Variants in SLCO2A1 observed in about 807,000 individuals in gnomAD.
The protein encoded by SLCO2A1 is solute carrier organic anion transporter family member 2A1.
SLCO2A1 carries 60 observed loss-of-function variants against 71.7 expected under a neutral mutation model. That is an observed-to-expected ratio of 0.84 (90% CI 0.68 to 1.04). The LOEUF is 1.04. SLCO2A1 is among the 50% of genes least tolerant of loss of function. The pLI is 0.00. For missense variants in SLCO2A1, 745 were observed against 813.4 expected (o/e 0.92, Z 1.02); for synonymous variants, 308 against 326.7 (o/e 0.94, Z 0.62).
Position 133,947,358 on chromosome 3 carries a change from G to C in SLCO2A1, c.1193C>G (p.Pro398Arg). 6.2e-7 allele frequency: 1 copy of C among 1,614,070 alleles called. No homozygotes were observed. The highest frequency in any genetic ancestry group is 8.5e-7 in the Non-Finnish European group (1 of 1,179,994). The change falls in exon 9 of 14, where the codon CCC becomes CGC. Residue 398 changes from proline to arginine, a missense_variant. Pro to Arg is a moderately radical substitution (Grantham distance 103). Transcript: ENST00000310926. The part of the protein sequence containing the change: ...KRFVFSLQAI[P>R]RIATTIITIS... The stretch of plus-strand genomic sequence containing the variant: ...GGTGATGATGGTGGTAGCTATGCGG[G>C]GAATGGCTTGTAGAGAGAAAACAAA...
At chr3:133,974,369 G>C (rs548970999) in intron 2 of SLCO2A1, among the ~76,000 whole-genome samples, 1 of 152,246 alleles carries the variant, frequency 6.6e-6, no homozygotes, top group East Asian at 1.9e-4. Context: ...ACAAAACTGG[G>C]GTTCAGAATA....
At chr3:133,956,000 C>T (rs914528503) in intron 3 of SLCO2A1, among the ~76,000 whole-genome samples, 2 of 152,112 alleles carry the variant, frequency 1.3e-5, no homozygotes, top group South Asian at 2.1e-4. Context: ...GCTGGGCTGC[C>T]GCTTCCATGC....
At chr3:134,019,701 C>T (rs4241365) in intron 1 of SLCO2A1, among the ~76,000 whole-genome samples, 119,087 of 152,070 alleles carry the variant, frequency 0.78, 46,866 homozygotes, top group East Asian at 0.99. Context: ...ATCCCATTAG[C>T]AGGTGGCTGG....
chr3:133,948,668 T>A lies in SLCO2A1; in HGVS notation c.973A>T (p.Asn325Tyr), dbSNP rs1313954514. The A allele has an allele frequency of 6.2e-7, 1 of 1,614,010 alleles. No homozygotes were observed. The change falls in exon 8 of 14, where the codon AAC becomes TAC. Residue 325 changes from asparagine (N) to tyrosine (Y), a missense_variant. Asn to Tyr is a moderately radical substitution (Grantham distance 143). Transcript: ENST00000310926. ...AGGACCACCAGGACGAAGAGTGAGTTCATCAGGAGCCTCAGAAAGATGCAT... is the reference window on the plus strand; with the variant it reads ...AGGACCACCAGGACGAAGAGTGAGTACATCAGGAGCCTCAGAAAGATGCAT... The part of the protein sequence containing the change: ...FPCIFLRLLM[N>Y]SLFVLVVLAQ...
intron 3 of SLCO2A1, among the ~76,000 whole-genome samples, chr3:133,968,494 G>A (rs1934243206): frequency 6.6e-6 from 1 of 152,202 alleles, no homozygotes; most frequent in African/African-American, 2.4e-5. Flanking sequence ...CTTGGGATAT[G>A]CAAGCCCAGG....
intron 1 of SLCO2A1, among the ~76,000 whole-genome samples, chr3:134,024,014 A>T (rs146807131): frequency 6.6e-6 from 1 of 152,374 alleles, no homozygotes; most frequent in East Asian, 1.9e-4. Flanking sequence ...CTCTCATGAC[A>T]GGGAGGAAAC....
intron 9 of SLCO2A1, among the ~76,000 whole-genome samples, chr3:133,946,488 TCTC>T (rs1444496320): frequency 1.3e-5 from 2 of 152,122 alleles, no homozygotes; most frequent in Non-Finnish European, 2.9e-5. Flanking sequence ...TACCTGACCT[TCTC>T]CTCACCTGCC....
chr3:133,982,184 C>T (rs888744482), intron 1 of SLCO2A1, among the ~76,000 whole-genome samples: 4 of 152,150 alleles, frequency 2.6e-5, no homozygotes, highest in African/African-American at 9.7e-5. Flanking sequence ...GACACCAAAG[C>T]TCACTTGAAC....
At chr3:133,954,945 C>T (rs1933844172) in intron 4 of SLCO2A1, 21 bp downstream of exon 4, 1 of 1,603,752 alleles carries the variant, frequency 6.2e-7, no homozygotes, top group Non-Finnish European at 8.5e-7. Flanking sequence ...CCCCAAAGCC[C>T]TCTTCAAGCC....
intron 1 of SLCO2A1, among the ~76,000 whole-genome samples, chr3:134,004,541 C>G (rs1346238672): frequency 6.6e-6 from 1 of 152,154 alleles, no homozygotes; most frequent in Non-Finnish European, 1.5e-5. Context: ...GCCATGTTGG[C>G]CAGGCTGGTC....
At chr3:133,958,851 T>C (rs1469156658) in intron 3 of SLCO2A1, among the ~76,000 whole-genome samples, 1 of 152,216 alleles carries the variant, frequency 6.6e-6, no homozygotes, top group Non-Finnish European at 1.5e-5. Flanking sequence ...CTGAGTTCCC[T>C]AAAACCTCAG....
rs1933323381 is a variant in SLCO2A1, at chr3:133,938,277, C to T, written c.1690+152G>A. 5.6e-6 allele frequency: 4 copies of T among 719,342 alleles called. No homozygotes were observed. The Admixed American group carries it at 8.2e-5, about 15-fold the overall frequency. The allele number at this position is 719,342 out of a possible 1,614,324, so 44.6% of individuals were successfully genotyped here. A position where few individuals can be genotyped will look rare whatever the true frequency, so the allele number is the denominator to read the frequency against. ...CTCAAGCAATCTGGGAAACCGTCCA[C>T]ATGGATTTTGGCATCTGCTGTTGAT... On this transcript the variant is annotated intron_variant, in intron 12 of 13. Transcript: ENST00000310926.
intron 11 of SLCO2A1, among the ~76,000 whole-genome samples, chr3:133,940,779 C>T (rs954134984): frequency 6.6e-6 from 1 of 152,204 alleles, no homozygotes; most frequent in African/African-American, 2.4e-5. Flanking sequence ...CCAAGCATCC[C>T]TGCACCTTCT....
chr3:134,026,506 T>C (rs1293626724), intron 1 of SLCO2A1, among the ~76,000 whole-genome samples: 2 of 152,042 alleles, frequency 1.3e-5, no homozygotes, highest in East Asian at 1.9e-4. Flanking sequence ...AAGAGAAGCA[T>C]AGCTATAGGA....
intron 3 of SLCO2A1, among the ~76,000 whole-genome samples, chr3:133,972,180 A>G (rs1179461888): frequency 6.6e-6 from 1 of 152,242 alleles, no homozygotes; most frequent in Non-Finnish European, 1.5e-5. Flanking sequence ...CAGAGCAGAG[A>G]GATTTGAACA....
At chr3:133,950,579 C>G (rs150835795) in intron 6 of SLCO2A1, among the ~76,000 whole-genome samples, 211 of 152,304 alleles carry the variant, frequency 1.4e-3, no homozygotes, top group African/African-American at 4.8e-3. Context: ...TATTGCCACC[C>G]AAGTGGCCAC....
In SLCO2A1 at chr3:134,029,888, G is replaced by T; in HGVS notation, c.-86C>A. 1.5e-6 allele frequency: 1 copy of T among 657,566 alleles called. No individual in the cohort carries two copies. Among genetic ancestry groups the T allele is most frequent in the Non-Finnish European group, 2.2e-6 (1 of 462,414 alleles). The allele number at this position is 657,566 out of a possible 1,614,324, so 40.7% of individuals were successfully genotyped here. A position where few individuals can be genotyped will look rare whatever the true frequency, so the allele number is the denominator to read the frequency against. The stretch of plus-strand genomic sequence containing the variant: ...GGCCGGGCGGGTGAGAGGCGACCGC[G>T]GCGGCAGTGGCCGGAGGAGATTCGC... On this transcript the variant is annotated 5_prime_UTR_variant, in exon 1 of 14. Coordinates refer to ENST00000310926, the MANE Select transcript of SLCO2A1 (RefSeq NM_005630.3).
In SLCO2A1 at chr3:133,951,212, G is replaced by T; in HGVS notation, c.857C>A (p.Ala286Glu). The change falls in exon 6 of 14, where the codon GCA becomes GAA. Residue 286 changes from alanine (A) to glutamate (E), a missense_variant. Transcript: ENST00000310926. Reference sequence around the variant, plus strand: ...CATGGGCTCTTGGAACCTTACCTTTGCTCCTATGGGCATTGCTCGAGGGAA... The same window carrying T: ...CATGGGCTCTTGGAACCTTACCTTTTCTCCTATGGGCATTGCTCGAGGGAA... The part of the protein sequence containing the change: ...FFFPRAMPIG[A>E]KRAPATADEA... The T allele has an allele frequency of 1.2e-6, 2 of 1,613,956 alleles. No homozygotes were observed. The highest frequency in any genetic ancestry group is 2.2e-5 in the East Asian group (1 of 44,874).
intron 3 of SLCO2A1, among the ~76,000 whole-genome samples, chr3:133,972,688 C>G (rs1347160548): frequency 6.6e-6 from 1 of 151,862 alleles, no homozygotes; most frequent in Non-Finnish European, 1.5e-5. Context: ...TGGAAGAGTC[C>G]CAATACCAGA....
Sources: gnomAD v4.1 joint callset for allele counts (sites outside exome capture counted in the v4.1 genomes callset) on GRCh38, gnomAD v4.1.1 for gene constraint, MANE v1.5 for transcripts, NCBI Gene and HGNC (gene_info 2026-07-23, HGNC 2026-07-21) for gene names.